Variants in WAPL observed in about 807,000 individuals in gnomAD.
WAPL encodes WAPL cohesin release factor.
WAPL carries 5 observed loss-of-function variants against 121.0 expected under a neutral mutation model. The ratio of observed to expected loss-of-function variants is 0.04; its 90% CI spans 0.02 to 0.09. The LOEUF is 0.09. Ranked by LOEUF, WAPL falls within the 10% of genes least tolerant of loss-of-function variation. The pLI, the probability that WAPL is intolerant of heterozygous loss-of-function variation, is 1.00. For missense variants in WAPL, 999 were observed against 1,410.8 expected (o/e 0.71, Z 4.68); for synonymous variants, 480 against 481.5 (o/e 1.00, Z 0.04).
At chr10:86,473,245 A>G (rs1841574220) in intron 5 of WAPL, among the ~76,000 whole-genome samples, 1 of 152,192 alleles carries the variant, frequency 6.6e-6, no homozygotes, top group Non-Finnish European at 1.5e-5. Context: ...TATCAAAAGG[A>G]GTCTAATCAG....
chr10:86,466,696 T>G (rs549012035), intron 9 of WAPL, among the ~76,000 whole-genome samples: 1 of 146,240 alleles, frequency 6.8e-6, no homozygotes, highest in Admixed American at 6.8e-5. Flanking sequence ...CTAATATACA[T>G]GTAGTTTCTA....
At position 86,500,190 on chromosome 10, in the gene WAPL, T is replaced by A. The variant is rs778051682; in HGVS notation, c.1053A>T (p.Thr351=). 3 of 1,614,216 alleles carry A rather than the reference T, an allele frequency of 1.9e-6. No individual in the cohort carries two copies. The East Asian group carries it at 6.7e-5, about 36-fold the overall frequency. The change falls in exon 3 of 19, where the codon ACA becomes ACT. Residue 351 remains threonine (T), a synonymous_variant. Transcript: ENST00000298767. ...GVSCGTSFRG[T]VGRTRDYTVL... ...CAGTGTAATCTCTAGTCCGTCCAAC[T>A]GTCCCTCTAAAACTGGTCCCACAAC... is the stretch of plus-strand genomic sequence containing the variant.
intron 4 of WAPL, among the ~76,000 whole-genome samples, chr10:86,486,859 A>G (rs567545934): frequency 6.6e-6 from 1 of 152,188 alleles, no homozygotes; most frequent in African/African-American, 2.4e-5. Flanking sequence ...TAGAGGCTGA[A>G]GCACAGGAAT....
rs1201816878 is a variant in WAPL, at chr10:86,436,468, T to C, written c.*1075A>G. On this transcript the variant is annotated 3_prime_UTR_variant, in exon 19 of 19. Transcript: ENST00000298767. ...TATGATATTAAATCTATAAAATGTT[T>C]TGTGTTCCATAACTGTTTTTCAAAT... 3 of 152,628 alleles carry C rather than the reference T, an allele frequency of 2.0e-5. No homozygotes were observed. The highest frequency in any genetic ancestry group is 4.4e-5 in the Non-Finnish European group (3 of 68,040). 9.5% of individuals were successfully genotyped at this position (152,628 alleles called of 1,614,324 possible).
At chr10:86,462,380 A>G (rs1001084366) in intron 9 of WAPL, among the ~76,000 whole-genome samples, 1 of 152,108 alleles carries the variant, frequency 6.6e-6, no homozygotes, top group Non-Finnish European at 1.5e-5. Context: ...AAGACTGCAC[A>G]TTTAGAAAAG....
intron 12 of WAPL, among the ~76,000 whole-genome samples, chr10:86,458,610 T>C (rs1841203839): frequency 6.6e-6 from 1 of 151,958 alleles, no homozygotes; most frequent in Non-Finnish European, 1.5e-5. Flanking sequence ...AAATTTAAAT[T>C]TTTTATATGT....
At chr10:86,509,493 C>A (rs1167410663) in intron 2 of WAPL, among the ~76,000 whole-genome samples, 1 of 152,208 alleles carries the variant, frequency 6.6e-6, no homozygotes, top group African/African-American at 2.4e-5. Flanking sequence ...GAGTGCTACA[C>A]TCCCGCACCA....
intron 4 of WAPL, among the ~76,000 whole-genome samples, chr10:86,493,376 T>G (rs1842086714): frequency 6.6e-6 from 1 of 151,972 alleles, no homozygotes; most frequent in Admixed American, 6.6e-5. Flanking sequence ...TTAATATAAG[T>G]ATTATACAGT....
At chr10:86,439,489 C>G (rs1264903420) in intron 17 of WAPL, among the ~76,000 whole-genome samples, 3 of 152,182 alleles carry the variant, frequency 2.0e-5, no homozygotes, top group Non-Finnish European at 2.9e-5. Flanking sequence ...TATCAACACA[C>G]TACAGAACAT....
intron 4 of WAPL, among the ~76,000 whole-genome samples, chr10:86,486,302 A>T (rs546123849): frequency 5.9e-5 from 9 of 152,318 alleles, no homozygotes; most frequent in Admixed American, 5.2e-4. Flanking sequence ...TGGAAGGAAC[A>T]TTTGTTCTTG....
rs767766596 is a variant in WAPL, at chr10:86,471,091, C to T, written c.2043G>A (p.Leu681=). The T allele has an allele frequency of 5.6e-6, 9 of 1,613,506 alleles. No individual in the cohort carries two copies. The South Asian group carries it at 9.9e-5, about 18-fold the overall frequency. ...LNTRCLSVIS[L]ATKCAMPSFR... is the part of the protein sequence containing the mutation. ...AACTGGGCATGGCACATTTAGTAGC[C>T]AAGCTAATAACACTACAAGAAAATA... The change falls in exon 8 of 19, where the codon TTG becomes TTA. Residue 681 remains leucine (L), a synonymous_variant. Coordinates refer to ENST00000298767, the MANE Select transcript of WAPL (RefSeq NM_015045.5).
chr10:86,453,285 G>C lies in WAPL; in HGVS notation c.2884C>G (p.Leu962Val). 6.2e-7 allele frequency: 1 copy of C among 1,614,130 alleles called. No homozygotes were observed. Among genetic ancestry groups the C allele is most frequent in the Non-Finnish European group, 8.5e-7 (1 of 1,180,018 alleles). Reference sequence around the variant, plus strand: ...TTTGGAACCTGAAGCACACAGTTCAGCGCTGTGCCTATGAGACCGTCCTGC... The same window carrying C: ...TTTGGAACCTGAAGCACACAGTTCACCGCTGTGCCTATGAGACCGTCCTGC... The part of the protein sequence containing the change: ...GEQDGLIGTA[L>V]NCVLQVPKYL... Residue 962 changes from leucine (L) to valine (V), a missense_variant, in exon 14 of 19, where the codon CTG (leucine) becomes GTG (valine). By Grantham distance (32) the Leu-to-Val change is conservative (BLOSUM62 1). This residue lies in a region of WAPL where 85 missense variants were observed against 133.5 expected (regional missense o/e 0.64). Coordinates refer to ENST00000298767, the MANE Select transcript of WAPL (RefSeq NM_015045.5).
intron 4 of WAPL, among the ~76,000 whole-genome samples, chr10:86,477,028 T>C (rs911668750): frequency 6.6e-6 from 1 of 152,214 alleles, no homozygotes; most frequent in African/African-American, 2.4e-5. Flanking sequence ...ATAAGCAATC[T>C]AAAGGGAAGT....
At chr10:86,493,347 A>G (rs982669945) in intron 4 of WAPL, among the ~76,000 whole-genome samples, 1 of 151,996 alleles carries the variant, frequency 6.6e-6, no homozygotes, top group African/African-American at 2.4e-5. Flanking sequence ...TAAACTTTCA[A>G]ATAAGACTGT....
intron 9 of WAPL, among the ~76,000 whole-genome samples, chr10:86,463,140 G>A (rs2132184118): frequency 6.6e-6 from 1 of 152,302 alleles, no homozygotes; most frequent in South Asian, 2.1e-4. Flanking sequence ...GAAAATAAGA[G>A]GAACAGGCCG....
In WAPL at chr10:86,452,721, T is replaced by C. The variant is rs59293347; in HGVS notation, c.2949+499A>G. Among the ~76,000 whole-genome samples, 97 of 151,922 alleles carry C rather than the reference T, an allele frequency of 6.4e-4. 1 individual carries two copies. Among genetic ancestry groups the C allele is most frequent in the African/African-American group, 2.3e-3 (94 of 41,448 alleles). On this transcript the variant is annotated intron_variant, in intron 14 of 18. Transcript: ENST00000298767. The stretch of plus-strand genomic sequence containing the variant: ...TACTTTTTATTTTTACATAGGGTCT[T>C]TTCATGGCTTTCTTTTGCACAATAA...
intron 4 of WAPL, among the ~76,000 whole-genome samples, chr10:86,477,531 C>A (rs370858782): frequency 2.6e-5 from 4 of 152,106 alleles, no homozygotes; most frequent in African/African-American, 9.7e-5. Context: ...GGCCAGGTAC[C>A]GTGACTCATG....
chr10:86,475,478 T>C (rs1300041826), intron 4 of WAPL, among the ~76,000 whole-genome samples: 1 of 152,248 alleles, frequency 6.6e-6, no homozygotes, highest in African/African-American at 2.4e-5. Context: ...TAATTAGCAT[T>C]AAGCATTAGT....
chr10:86,455,343 T>G (rs185761559), intron 12 of WAPL, among the ~76,000 whole-genome samples: 305 of 152,014 alleles, frequency 2.0e-3, no homozygotes, highest in African/African-American at 6.8e-3. Context: ...CTAAGAAAAA[T>G]TCTTCTGCCT....
Sources: gnomAD v4.1 joint callset for allele counts (sites outside exome capture counted in the v4.1 genomes callset) on GRCh38, gnomAD v4.1.1 for gene constraint, gnomAD v4.1.1 regional missense constraint, MANE v1.5 for transcripts, NCBI Gene and HGNC (gene_info 2026-07-23, HGNC 2026-07-21) for gene names.